The following MTR variants were observed in gnomAD, a reference collection of about 807,000 sequenced individuals.
MTR encodes the protein methionine synthase.
A neutral mutation model predicts 154.8 loss-of-function variants in MTR; 84 were observed. The ratio of observed to expected loss-of-function variants is 0.54; its 90% CI spans 0.45 to 0.65. The LOEUF is 0.65. MTR is among the 30% of genes least tolerant of loss of function. MTR has a pLI of 0.00. For missense variants in MTR, 1,275 were observed against 1,570.2 expected, an observed-to-expected ratio of 0.81 and a Z score of 3.18; for synonymous variants, 554 against 553.9, an observed-to-expected ratio of 1.00 and a Z score of 0.00.
rs766860393 is a variant in MTR at position 236,852,903 on chromosome 1, T to G, written c.1813-45T>G. 5 of 1,610,540 alleles carry G rather than the reference T, an allele frequency of 3.1e-6. No homozygotes were observed. The Admixed American group carries it at 8.3e-5, about 27-fold the overall frequency. On this transcript the variant is annotated intron_variant, in intron 17 of 32. Transcript: ENST00000366577. ...GAGAAAAGTTTGCTGATCGCTGACT[T>G]AAGGTATCACTGTAAATTCTCATTT...
intron 3 of MTR, among the ~76,000 whole-genome samples, chr1:236,808,012 C>T (rs1160291357): frequency 6.6e-6 from 1 of 152,078 alleles, no homozygotes; most frequent in Non-Finnish European, 1.5e-5. Flanking sequence ...TTGTTAAATT[C>T]CTGGATGTGG....
At chr1:236,845,211 G>A (rs1234963316) in intron 15 of MTR, among the ~76,000 whole-genome samples, 2 of 152,132 alleles carry the variant, frequency 1.3e-5, no homozygotes, top group African/African-American at 2.4e-5. Context: ...TTGTTTATTG[G>A]CACTGCTTAG....
At chr1:236,832,176 A>G in intron 13 of MTR, 98 bp downstream of exon 13, 1 of 970,956 alleles carries the variant, frequency 1.0e-6, no homozygotes, top group Non-Finnish European at 1.6e-6. Context: ...TGTTATTAGC[A>G]GAGCTGCTAG....
chr1:236,815,543 G>A (rs894614445), intron 6 of MTR, 61 bp from the exon 7 acceptor site: 3 of 1,542,372 alleles, frequency 1.9e-6, no homozygotes, highest in Non-Finnish European at 2.7e-6. Flanking sequence ...TAATCAGGAA[G>A]TTAGACTAAT....
At chr1:236,883,326 A>T (rs1270599496) in intron 25 of MTR, among the ~76,000 whole-genome samples, 1 of 152,198 alleles carries the variant, frequency 6.6e-6, no homozygotes, top group African/African-American at 2.4e-5. Flanking sequence ...TGTTTCCGTC[A>T]AGTAAGTCAG....
intron 25 of MTR, among the ~76,000 whole-genome samples, chr1:236,881,554 C>G (rs914956064): frequency 2.0e-5 from 3 of 151,994 alleles, no homozygotes; most frequent in Non-Finnish European, 4.4e-5. Flanking sequence ...CATCCCGCTC[C>G]TAGTGTCCAT....
At chr1:236,853,497 G>A (rs1664036791) in intron 18 of MTR, among the ~76,000 whole-genome samples, 1 of 151,982 alleles carries the variant, frequency 6.6e-6, no homozygotes. Flanking sequence ...ATTTCTTTTT[G>A]CAAAATGAAT....
At chr1:236,874,486 G>A (rs573748300) in intron 23 of MTR, among the ~76,000 whole-genome samples, 5 of 151,348 alleles carry the variant, frequency 3.3e-5, no homozygotes, top group Non-Finnish European at 5.9e-5. Context: ...CAGGAGAATC[G>A]CTTGAACCCA....
intron 8 of MTR, among the ~76,000 whole-genome samples, chr1:236,822,019 T>C (rs147877145): frequency 1.8e-4 from 27 of 152,292 alleles, no homozygotes; most frequent in African/African-American, 6.0e-4. Flanking sequence ...TTTCTCTCAT[T>C]ATTGTGTTGG....
At chr1:236,805,516 T>C (rs1660930507) in intron 2 of MTR, among the ~76,000 whole-genome samples, 1 of 146,126 alleles carries the variant, frequency 6.8e-6, no homozygotes, top group South Asian at 2.2e-4. Context: ...GGTCTCACTC[T>C]GTCACTCAGG....
At chr1:236,816,715 C>A (rs566805083) in intron 8 of MTR, among the ~76,000 whole-genome samples, 172 bp downstream of exon 8, 5 of 152,284 alleles carry the variant, frequency 3.3e-5, no homozygotes, top group Non-Finnish European at 7.4e-5. Flanking sequence ...TTCAGAAGAT[C>A]GCTGCCTAAA....
intron 26 of MTR, among the ~76,000 whole-genome samples, chr1:236,886,083 A>T (rs886970330): frequency 6.6e-6 from 1 of 151,732 alleles, no homozygotes; most frequent in Admixed American, 6.6e-5. Context: ...CAGTTAATGG[A>T]TGCTTATTAA....
chr1:236,897,308 A>ATGCGCGTGCG (rs57608445), intron 32 of MTR, among the ~76,000 whole-genome samples, 190 bp downstream of exon 32: 1 of 131,540 alleles, frequency 7.6e-6, no homozygotes, highest in African/African-American at 3.0e-5. Context: ...AGCCACACAC[A>ATGCGCGTGCG]CGCACACACA....
chr1:236,866,646 A>G (rs756421366), intron 22 of MTR, among the ~76,000 whole-genome samples: 17 of 152,238 alleles, frequency 1.1e-4, no homozygotes, highest in Non-Finnish European at 1.9e-4. Flanking sequence ...TGCACCAAAT[A>G]GCACAGTTTA....
chr1:236,860,142 G>A lies in MTR; in HGVS notation c.2043+220G>A, dbSNP rs7536446. Among the ~76,000 whole-genome samples the A allele has an allele frequency of 0.21, 30,483 of 142,578 alleles. 3,485 individuals carry two copies. The highest frequency in any genetic ancestry group is 0.31 in the South Asian group (1,381 of 4,488). The allele number at this position is 142,578 out of a possible 152,430, so 93.5% of individuals were successfully genotyped here. A position where few individuals can be genotyped will look rare whatever the true frequency, so the allele number is the denominator to read the frequency against. On this transcript the variant is annotated intron_variant, in intron 19 of 32. Transcript: ENST00000366577. ...AGACATTTTTGATTGTCGTAACTGT[G>A]CCTGGGAGGTATTACTGGCATCCTA...
chr1:236,805,850 ATATT>A (rs1464195609), intron 2 of MTR, among the ~76,000 whole-genome samples: 1 of 152,200 alleles, frequency 6.6e-6, no homozygotes, highest in East Asian at 1.9e-4. Context: ...GGGTTATAAT[ATATT>A]TGAATGAAGA....
rs562318877 is a variant in MTR, at chr1:236,818,015, G to A, written c.764+1472G>A. Among the ~76,000 whole-genome samples, 4 of 152,272 alleles carry A rather than the reference G, an allele frequency of 2.6e-5. No individual in the cohort carries two copies. The East Asian group carries it at 7.7e-4, about 29-fold the overall frequency. On this transcript the variant is annotated intron_variant, in intron 8 of 32. Transcript: ENST00000366577. ...GAGGGTAGGAAATGTAGAGGTCTCTGAAGACAAACTTTATCTAGTTTATTT... is the reference window on the plus strand; with the variant it reads ...GAGGGTAGGAAATGTAGAGGTCTCTAAAGACAAACTTTATCTAGTTTATTT...
chr1:236,891,582 G>T (rs1666329828), intron 29 of MTR, among the ~76,000 whole-genome samples: 2 of 152,102 alleles, frequency 1.3e-5, no homozygotes, highest in South Asian at 4.2e-4. Context: ...CCATGGATGG[G>T]CGAGGACCAT....
At chr1:236,818,558 A>G (rs1171078007) in intron 8 of MTR, among the ~76,000 whole-genome samples, 1 of 152,246 alleles carries the variant, frequency 6.6e-6, no homozygotes, top group Non-Finnish European at 1.5e-5. Flanking sequence ...TTTAAAAATA[A>G]TCCTTTCTAT....
Sources: allele counts gnomAD v4.1 joint callset (sites outside exome capture counted in the v4.1 genomes callset), GRCh38; gene constraint gnomAD v4.1.1; transcripts MANE v1.5; gene names NCBI Gene and HGNC (gene_info 2026-07-23, HGNC 2026-07-21).